Variants in TTC29 observed in about 807,000 individuals in gnomAD.
TTC29 encodes the protein tetratricopeptide repeat domain 29.
Under a neutral mutation model 58.1 loss-of-function variants are expected in TTC29, and 49 were observed. That is an observed-to-expected ratio of 0.84 (90% CI 0.67 to 1.07). The LOEUF is 1.07. TTC29 is among the 50% of genes least tolerant of loss of function. The probability of loss-of-function intolerance (pLI) is 0.00; values close to 1 mark genes in which losing one functional copy is unlikely to be tolerated. For synonymous variants in TTC29, 209 were observed against 196.8 expected (o/e 1.06, Z -0.52); for missense variants, 582 against 555.6 (o/e 1.05, Z -0.48).
chr4:146,917,617 A>ACATTGTATATTATTTATATAATATC (rs1250048875), intron 4 of TTC29, among the ~76,000 whole-genome samples: 1 of 143,148 alleles, frequency 7.0e-6, no homozygotes. Flanking sequence ...TTTATAATAT[A>ACATTGTATATTATTTATATAATATC]TAATTAGATA....
At chr4:146,869,885 G>GA (rs548650092) in intron 7 of TTC29, among the ~76,000 whole-genome samples, 2 of 152,014 alleles carry the variant, frequency 1.3e-5, no homozygotes, top group Non-Finnish European at 2.9e-5. Flanking sequence ...ATGTCGGTAA[G>GA]AATAGGATTA....
At chr4:146,806,621 T>TA (rs201852371) in intron 10 of TTC29, among the ~76,000 whole-genome samples, 8,417 of 138,192 alleles carry the variant, frequency 0.061, 788 homozygotes, top group African/African-American at 0.21. Context: ...CCAACAAAGA[T>TA]AAAAAAAAAA....
intron 11 of TTC29, among the ~76,000 whole-genome samples, chr4:146,723,264 T>G (rs1477097597): frequency 6.6e-6 from 1 of 150,990 alleles, no homozygotes; most frequent in Non-Finnish European, 1.5e-5. Flanking sequence ...AAAAATTAAA[T>G]GTAAGACCTC....
intron 8 of TTC29, among the ~76,000 whole-genome samples, chr4:146,853,329 A>G (rs1038659332): frequency 6.6e-6 from 1 of 152,142 alleles, no homozygotes; most frequent in Non-Finnish European, 1.5e-5. Context: ...TGCACTACAT[A>G]TATATGTATT....
At chr4:146,798,653 G>A (rs575047710) in intron 11 of TTC29, among the ~76,000 whole-genome samples, 101 of 151,974 alleles carry the variant, frequency 6.6e-4, no homozygotes, top group African/African-American at 2.4e-3. Context: ...CACTTTGGGA[G>A]GCCGAGGCAG....
intron 11 of TTC29, among the ~76,000 whole-genome samples, chr4:146,708,314 A>ATATATATATATATATATATATATATATG (rs1742149234): frequency 4.8e-5 from 1 of 20,844 alleles, no homozygotes; most frequent in Admixed American, 4.9e-4. Context: ...AAGTTTATAT[A>ATATATATATATATATATATATATATATG]TATATATATA....
rs142555051 is a variant in TTC29 at position 146,796,142 on chromosome 4, T to C, written c.1330+7315A>G. Among the ~76,000 whole-genome samples the C allele has an allele frequency of 9.2e-4, 140 of 151,724 alleles. 1 individual carries two copies. The highest frequency in any genetic ancestry group is 1.7e-3 in the South Asian group (8 of 4,816). On this transcript the variant is annotated intron_variant, in intron 11 of 12. Coordinates refer to ENST00000325106, the MANE Select transcript of TTC29 (RefSeq NM_031956.4). ...CAAGTGATGATGAGTTCAGTGTAGA[T>C]TGGAAAGTTAAAACTGGTAACACCA...
chr4:146,849,684 G>C (rs1410467591), intron 8 of TTC29, among the ~76,000 whole-genome samples: 2 of 151,514 alleles, frequency 1.3e-5, no homozygotes, highest in African/African-American at 4.9e-5. Flanking sequence ...AAAAAAAAAA[G>C]TCATGCTTGA....
In TTC29 at chr4:146,840,537, T is replaced by C. The variant is rs375979396; in HGVS notation, c.886-6640A>G. On this transcript the variant is annotated intron_variant, in intron 8 of 12. Coordinates refer to ENST00000325106, the MANE Select transcript of TTC29 (RefSeq NM_031956.4). ...AAGTCTGTATAAAGGGCTAAAAATT[T>C]AGTCCAAAAACATTAATCCATTACA... Among the ~76,000 whole-genome samples, 53 of 152,216 alleles carry C rather than the reference T, an allele frequency of 3.5e-4. No homozygotes were observed. In the South Asian group the frequency reaches 0.01, roughly 30 times the overall value.
At chr4:146,841,378 A>C (rs968984727) in intron 8 of TTC29, among the ~76,000 whole-genome samples, 1 of 152,124 alleles carries the variant, frequency 6.6e-6, no homozygotes, top group African/African-American at 2.4e-5. Flanking sequence ...CAGATCACAC[A>C]GGTCAGTGAC....
intron 6 of TTC29, among the ~76,000 whole-genome samples, chr4:146,883,102 C>G (rs910354111): frequency 6.6e-6 from 1 of 152,046 alleles, no homozygotes; most frequent in Non-Finnish European, 1.5e-5. Flanking sequence ...AATCAATGTC[C>G]AAAGTCTACT....
intron 8 of TTC29, among the ~76,000 whole-genome samples, chr4:146,859,331 C>G (rs1488153323): frequency 6.6e-6 from 1 of 152,088 alleles, no homozygotes; most frequent in African/African-American, 2.4e-5. Context: ...CTTGATTCCT[C>G]CTTTGCCTTG....
intron 11 of TTC29, among the ~76,000 whole-genome samples, chr4:146,749,742 T>G (rs750074532): frequency 3.9e-5 from 6 of 152,058 alleles, no homozygotes; most frequent in African/African-American, 7.2e-5. Context: ...CAAGGCACAT[T>G]ATAATCAAAC....
At chr4:146,855,602 G>C (rs769871557) in intron 8 of TTC29, among the ~76,000 whole-genome samples, 6 of 152,130 alleles carry the variant, frequency 3.9e-5, no homozygotes, top group Non-Finnish European at 7.4e-5. Flanking sequence ...TTGAATATTA[G>C]GAGTATGGTA....
At chr4:146,791,420 G>A (rs997571448) in intron 11 of TTC29, among the ~76,000 whole-genome samples, 7 of 152,046 alleles carry the variant, frequency 4.6e-5, no homozygotes, top group African/African-American at 7.2e-5. Flanking sequence ...TGTTATTATT[G>A]TAATTGTTTT....
intron 7 of TTC29, among the ~76,000 whole-genome samples, chr4:146,871,051 T>C (rs907412982): frequency 1.4e-4 from 22 of 151,888 alleles, no homozygotes; most frequent in African/African-American, 5.1e-4. Context: ...TATAAACTAA[T>C]GTCCCCTACG....
At chr4:146,922,790 T>G (rs1734682348) in intron 4 of TTC29, among the ~76,000 whole-genome samples, 1 of 151,852 alleles carries the variant, frequency 6.6e-6, no homozygotes, top group Non-Finnish European at 1.5e-5. Flanking sequence ...CAGAGAATAT[T>G]TCAAGAAATA....
intron 10 of TTC29, among the ~76,000 whole-genome samples, chr4:146,811,189 C>T (rs1042328368): frequency 1.3e-5 from 2 of 152,134 alleles, no homozygotes; most frequent in Non-Finnish European, 2.9e-5. Flanking sequence ...CTATCCTCCA[C>T]AAATAAATAC....
At chr4:146,882,491 C>T (rs1731696884) in intron 6 of TTC29, among the ~76,000 whole-genome samples, 1 of 152,032 alleles carries the variant, frequency 6.6e-6, no homozygotes, top group Non-Finnish European at 1.5e-5. Flanking sequence ...ATGTTCCCAC[C>T]TTATCTTAAA....
Sources: allele counts gnomAD v4.1 joint callset (sites outside exome capture counted in the v4.1 genomes callset), GRCh38; gene constraint gnomAD v4.1.1; transcripts MANE v1.5; gene names NCBI Gene and HGNC (gene_info 2026-07-23, HGNC 2026-07-21).